B3GALT1: variants seen among roughly 807,000 people sequenced by gnomAD.
B3GALT1 encodes beta-1,3-galactosyltransferase 1.
A neutral mutation model predicts 23.2 loss-of-function variants in B3GALT1; 10 were observed. The observed-to-expected ratio is 0.43, with a 90% CI of 0.27 to 0.73. The LOEUF (loss-of-function observed/expected upper bound fraction) is 0.73. B3GALT1 is among the 30% of genes least tolerant of loss of function. The pLI, the probability that B3GALT1 is intolerant of heterozygous loss-of-function variation, is 0.21. For missense variants in B3GALT1, 299 were observed against 405.4 expected, an observed-to-expected ratio of 0.74 and a Z score of 2.25; for synonymous variants, 156 against 141.5, an observed-to-expected ratio of 1.10 and a Z score of -0.73.
At chr2:167,565,670 A>T (rs944572622) in intron 2 of B3GALT1, among the ~76,000 whole-genome samples, 3 of 152,240 alleles carry the variant, frequency 2.0e-5, no homozygotes, top group African/African-American at 7.2e-5. Flanking sequence ...AGAAAAAAAC[A>T]ACCCCATCAA....
chr2:167,353,845 G>GGAATTTAATGTTGCTGTTCTGAATGGT (rs1697358068), intron 1 of B3GALT1, among the ~76,000 whole-genome samples: 1 of 152,066 alleles, frequency 6.6e-6, no homozygotes, highest in South Asian at 2.1e-4. Flanking sequence ...TTTTGGGAAA[G>GGAATTTAATGTTGCTGTTCTGAATGGT]GAATTTAATG....
intron 4 of B3GALT1, among the ~76,000 whole-genome samples, chr2:167,864,080 A>G (rs777392908): frequency 1.3e-5 from 2 of 151,806 alleles, no homozygotes; most frequent in Non-Finnish European, 2.9e-5. Flanking sequence ...AAACTTCTTT[A>G]ACAGTTTCAG....
At chr2:167,453,082 A>G (rs1005623622) in intron 1 of B3GALT1, among the ~76,000 whole-genome samples, 11 of 152,246 alleles carry the variant, frequency 7.2e-5, no homozygotes, top group Admixed American at 5.9e-4. Context: ...TCAATCCTGA[A>G]GAGATGTCTA....
chr2:167,524,308 A>G (rs547648551), intron 2 of B3GALT1, among the ~76,000 whole-genome samples: 9 of 152,136 alleles, frequency 5.9e-5, no homozygotes, highest in Non-Finnish European at 1.3e-4. Flanking sequence ...GTGACCATTA[A>G]CCACTTGAGA....
intron 3 of B3GALT1, among the ~76,000 whole-genome samples, chr2:167,777,498 C>G (rs1192814589): frequency 1.3e-5 from 2 of 152,136 alleles, no homozygotes; most frequent in African/African-American, 2.4e-5. Flanking sequence ...AGGCACCCAC[C>G]ACCACGCCCA....
chr2:167,626,787 A>C (rs535360714), intron 2 of B3GALT1, among the ~76,000 whole-genome samples: 1 of 151,922 alleles, frequency 6.6e-6, no homozygotes, highest in Non-Finnish European at 1.5e-5. Context: ...TCACAACCAA[A>C]TACATATAGT....
chr2:167,359,159 T>C (rs1280928981), intron 1 of B3GALT1, among the ~76,000 whole-genome samples: 1 of 152,166 alleles, frequency 6.6e-6, no homozygotes, highest in Non-Finnish European at 1.5e-5. Flanking sequence ...ATATTTTACA[T>C]GAAAATACCT....
At chr2:167,818,530 C>T (rs754815762) in intron 3 of B3GALT1, among the ~76,000 whole-genome samples, 142 bp from the exon 4 acceptor site, 18 of 152,196 alleles carry the variant, frequency 1.2e-4, no homozygotes, top group African/African-American at 3.1e-4. Context: ...CTCTATTCAA[C>T]GCCTACCCAC....
rs552269053 is a variant in B3GALT1, at chr2:167,303,260, A to G, written c.-511+9926A>G. On this transcript the variant is annotated intron_variant, in intron 1 of 4. Coordinates refer to ENST00000392690, the MANE Select transcript of B3GALT1 (RefSeq NM_020981.4). ...TGAAATTTATGTGTTTAATTTTATA[A>G]TAGATAATATATTATACAACTGGTT... 5.9e-5 allele frequency among the ~76,000 whole-genome samples: 9 copies of G among 152,272 alleles called. No homozygotes were observed. The East Asian group carries it at 7.7e-4, about 13-fold the overall frequency.
chr2:167,678,111 A>G (rs1283956658), intron 3 of B3GALT1, among the ~76,000 whole-genome samples: 1 of 152,136 alleles, frequency 6.6e-6, no homozygotes, highest in Admixed American at 6.5e-5. Flanking sequence ...CACCCAGGTA[A>G]ATACCTACCC....
intron 1 of B3GALT1, among the ~76,000 whole-genome samples, chr2:167,410,370 A>C (rs577421095): frequency 6.6e-6 from 1 of 152,074 alleles, no homozygotes; most frequent in Non-Finnish European, 1.5e-5. Context: ...AGACGCCTGT[A>C]GTCACAGCTA....
chr2:167,601,379 T>C lies in B3GALT1; in HGVS notation c.-409-45530T>C, dbSNP rs564277840. 5.9e-5 allele frequency among the ~76,000 whole-genome samples: 9 copies of C among 152,336 alleles called. No individual in the cohort carries two copies. In the South Asian group the frequency reaches 1.9e-3, roughly 32 times the overall value. On this transcript the variant is annotated intron_variant, in intron 2 of 4. Transcript: ENST00000392690. Reference sequence around the variant, plus strand: ...TCCTTTAGAGTTGGTTCTCAGGTCATAGGCAAGATTACATTCCCTCTTTGC... The same window carrying C: ...TCCTTTAGAGTTGGTTCTCAGGTCACAGGCAAGATTACATTCCCTCTTTGC...
rs1440830988 is a variant in B3GALT1 at position 167,409,009 on chromosome 2, T to C, written c.-510-81168T>C. Among the ~76,000 whole-genome samples the C allele has an allele frequency of 2.6e-5, 4 of 151,972 alleles. No homozygotes were observed. In the East Asian group the frequency reaches 5.8e-4, roughly 22 times the overall value. On this transcript the variant is annotated intron_variant, in intron 1 of 4. Coordinates refer to ENST00000392690, the MANE Select transcript of B3GALT1 (RefSeq NM_020981.4). Reference sequence around the variant, plus strand: ...ATACCAATGACATTATTTACAGAAATAGAAAAAGAAACTCCTAAAATTTAT... The same window carrying C: ...ATACCAATGACATTATTTACAGAAACAGAAAAAGAAACTCCTAAAATTTAT...
At chr2:167,718,511 C>A (rs1687185818) in intron 3 of B3GALT1, among the ~76,000 whole-genome samples, 1 of 152,128 alleles carries the variant, frequency 6.6e-6, no homozygotes, top group Admixed American at 6.5e-5. Flanking sequence ...TTTTTCCTCA[C>A]CAGTTGCTAG....
At chr2:167,331,712 C>T (rs550054128) in intron 1 of B3GALT1, among the ~76,000 whole-genome samples, 3 of 152,220 alleles carry the variant, frequency 2.0e-5, no homozygotes, top group African/African-American at 7.2e-5. Context: ...CTGGGGCCCC[C>T]TGGTGGTACC....
At chr2:167,387,202 A>T (rs1697942600) in intron 1 of B3GALT1, among the ~76,000 whole-genome samples, 1 of 152,258 alleles carries the variant, frequency 6.6e-6, no homozygotes, top group Non-Finnish European at 1.5e-5. Context: ...ACAATATGCC[A>T]TCCCTAAACT....
intron 2 of B3GALT1, among the ~76,000 whole-genome samples, chr2:167,562,121 C>T (rs977613847): frequency 6.6e-6 from 1 of 152,186 alleles, no homozygotes; most frequent in Non-Finnish European, 1.5e-5. Context: ...ATCAAGTGGG[C>T]TTCATCCCTG....
chr2:167,510,426 T>C lies in B3GALT1; in HGVS notation c.-410+20149T>C, dbSNP rs62196683. On this transcript the variant is annotated intron_variant, in intron 2 of 4. Coordinates refer to ENST00000392690, the MANE Select transcript of B3GALT1 (RefSeq NM_020981.4). The stretch of plus-strand genomic sequence containing the variant: ...AGTTTTGTTTTTTTTTTTTTTTTTT[T>C]CCAGCCTAAGTTATCCTAGACTAGA... Among the ~76,000 whole-genome samples, 201 of 148,740 alleles carry C rather than the reference T, an allele frequency of 1.4e-3. 1 individual carries two copies. Among genetic ancestry groups the C allele is most frequent in the South Asian group, 0.01 (48 of 4,676 alleles).
intron 1 of B3GALT1, among the ~76,000 whole-genome samples, chr2:167,390,705 C>T (rs932515255): frequency 1.4e-4 from 21 of 152,232 alleles, no homozygotes; most frequent in Middle Eastern, 6.8e-3. Context: ...TTAATGTTTC[C>T]TCTGCTAGAA....
Sources: gnomAD v4.1 joint callset for allele counts (sites outside exome capture counted in the v4.1 genomes callset) on GRCh38, gnomAD v4.1.1 for gene constraint, MANE v1.5 for transcripts, NCBI Gene and HGNC (gene_info 2026-07-23, HGNC 2026-07-21) for gene names.